The following WDR62 variants were observed in gnomAD, a reference collection of about 807,000 sequenced individuals.
The protein encoded by WDR62 is WD repeat domain 62.
In WDR62, 112 loss-of-function variants were observed where a neutral mutation model predicts 160.6. The ratio of observed to expected loss-of-function variants is 0.70; its 90% CI spans 0.60 to 0.82. The LOEUF (loss-of-function observed/expected upper bound fraction) is 0.82. WDR62 is among the 40% of genes least tolerant of loss of function. The pLI, the probability that WDR62 is intolerant of heterozygous loss-of-function variation, is 0.00. For missense variants in WDR62, 1,819 were observed against 1,983.8 expected (o/e 0.92, Z 1.58); for synonymous variants, 792 against 815.1 (o/e 0.97, Z 0.48).
In WDR62 at chr19:36,055,267, G is replaced by A. The variant is rs1304924950; in HGVS notation, c.177+119G>A. The A allele has an allele frequency of 3.6e-6, 4 of 1,107,738 alleles. No individual in the cohort carries two copies. In the African/African-American group the frequency reaches 6.2e-5, roughly 17 times the overall value. The allele number at this position is 1,107,738 out of a possible 1,614,324, so 68.6% of individuals were successfully genotyped here. A position where few individuals can be genotyped will look rare whatever the true frequency, so the allele number is the denominator to read the frequency against. ...GGCCAGTCCCCTCAGGTTGTTCCCT[G>A]CCATGCCTCGTCCCCTAACCCCCGC... On this transcript the variant is annotated intron_variant, in intron 1 of 31. Coordinates refer to ENST00000401500, the MANE Select transcript of WDR62 (RefSeq NM_001083961.2).
At chr19:36,055,357 AG>A (rs542152539) in intron 1 of WDR62, among the ~76,000 whole-genome samples, 1 of 151,222 alleles carries the variant, frequency 6.6e-6, no homozygotes, top group South Asian at 2.1e-4. Flanking sequence ...TCAGCGTTGG[AG>A]CAATTCGGGG....
At chr19:36,109,143 G>A (rs1973760939), downstream of WDR62, among the ~76,000 whole-genome samples, 1 of 152,152 alleles carries the variant, frequency 6.6e-6, no homozygotes, top group African/African-American at 2.4e-5. Flanking sequence ...CTCGGGCAAT[G>A]TAAAGAAATG....
At chr19:36,075,401 T>C (rs1971522803) in intron 9 of WDR62, 1 of 152,148 alleles carries the variant, frequency 6.6e-6, no homozygotes, top group Admixed American at 6.5e-5. Flanking sequence ...TTTCTGAAAA[T>C]AAAAATCACA....
intron 18 of WDR62, among the ~76,000 whole-genome samples, chr19:36,092,348 A>T (rs1370032936): frequency 6.6e-6 from 1 of 151,986 alleles, no homozygotes; most frequent in Non-Finnish European, 1.5e-5. Context: ...TGAGAAATGA[A>T]TGAGATGATA....
chr19:36,109,493 G>A (rs527887513), downstream of WDR62, among the ~76,000 whole-genome samples: 31 of 152,242 alleles, frequency 2.0e-4, no homozygotes, highest in Non-Finnish European at 4.1e-4. Flanking sequence ...CAGCACTTTG[G>A]GAGGTTGAGG....
chr19:36,098,870 G>A (rs549455818), intron 21 of WDR62, among the ~76,000 whole-genome samples: 4 of 152,260 alleles, frequency 2.6e-5, no homozygotes, highest in African/African-American at 9.6e-5. Flanking sequence ...AGGATTCCTT[G>A]AGCCCAAGGG....
downstream of WDR62, among the ~76,000 whole-genome samples, chr19:36,105,447 TGC>T (rs1029590412): frequency 6.6e-6 from 1 of 151,980 alleles, no homozygotes; most frequent in Non-Finnish European, 1.5e-5. Context: ...GTCCACGCTT[TGC>T]CATATCATGG....
In WDR62 at chr19:36,101,196, C is replaced by A; in HGVS notation, c.2868-18C>A. The A allele has an allele frequency of 6.2e-7, 1 of 1,600,754 alleles. No individual in the cohort carries two copies. On this transcript the variant is annotated intron_variant, in intron 23 of 31. Coordinates refer to ENST00000401500, the MANE Select transcript of WDR62 (RefSeq NM_001083961.2). ...AGCTGAAGTCCTTGTTCCCTCTCTGCCCCCACTGGCACTGCAGCCAGTATT... is the reference window on the plus strand; with the variant it reads ...AGCTGAAGTCCTTGTTCCCTCTCTGACCCCACTGGCACTGCAGCCAGTATT...
At chr19:36,099,730 G>A in intron 22 of WDR62, 113 bp downstream of exon 22, 1 of 1,062,546 alleles carries the variant, frequency 9.4e-7, no homozygotes, top group Non-Finnish European at 1.4e-6. Flanking sequence ...ACATGAGATG[G>A]TGAAGGGCAG....
chr19:36,102,764 T>C lies in WDR62; in HGVS notation c.3248T>C (p.Val1083Ala), dbSNP rs143600070. The C allele has an allele frequency of 6.7e-4, 1,082 of 1,614,206 alleles. 1 individual carries two copies. Among genetic ancestry groups the C allele is most frequent in the Non-Finnish European group, 8.8e-4 (1,041 of 1,180,022 alleles). The part of the protein sequence containing the change: ...RELFPAALGD[V>A]EASEAEDHFF... ...CTCTTCCCCGCAGCTCTGGGAGACG[T>C]GGAGGCCTCTGAAGCTGAAGACCAC... The change falls in exon 27 of 32, where the codon GTG (valine) becomes GCG (alanine). Residue 1083 changes from valine to alanine, a missense_variant. Physicochemically the swap from Val to Ala is moderately conservative, Grantham distance 64. Coordinates refer to ENST00000401500, the MANE Select transcript of WDR62 (RefSeq NM_001083961.2).
intron 2 of WDR62, chr19:36,059,099 G>T (rs1970514697): frequency 1.5e-6 from 1 of 677,458 alleles, no homozygotes; most frequent in South Asian, 1.5e-5. Context: ...CTACAGGGGG[G>T]AGGTGACAGC....
intron 13 of WDR62, among the ~76,000 whole-genome samples, chr19:36,087,240 C>T (rs1296320209): frequency 2.0e-5 from 3 of 151,978 alleles, no homozygotes; most frequent in South Asian, 4.2e-4. Context: ...GGTACCATGG[C>T]TCACACCTGT....
At chr19:36,084,586 A>C in intron 11 of WDR62, 67 bp from the exon 12 acceptor site, 4 of 1,469,314 alleles carry the variant, frequency 2.7e-6, no homozygotes, top group Non-Finnish European at 3.8e-6. Flanking sequence ...ATTCTGACCT[A>C]TTCTAGAAGT....
chr19:36,092,909 G>A (rs1019612263), intron 19 of WDR62, 98 bp downstream of exon 19: 6 of 1,581,974 alleles, frequency 3.8e-6, no homozygotes, highest in Non-Finnish European at 5.2e-6. Context: ...ACAGCCCTAG[G>A]CCCTGCCCTT....
At chr19:36,091,495 G>T (rs774871946) in intron 18 of WDR62, 30 bp downstream of exon 18, 27 of 1,607,106 alleles carry the variant, frequency 1.7e-5, no homozygotes, top group Non-Finnish European at 2.1e-5. Context: ...GAGAGTTGTG[G>T]CTCAGATACC....
intron 3 of WDR62, chr19:36,060,756 A>G (rs1326037466): frequency 6.6e-6 from 1 of 152,508 alleles, no homozygotes; most frequent in African/African-American, 2.4e-5. Flanking sequence ...CAGTTTCCTC[A>G]TTGATGGTAT....
intron 5 of WDR62, 105 bp from the exon 6 acceptor site, chr19:36,067,194 GGAAGACA>G (rs1970984721): frequency 6.8e-7 from 1 of 1,468,724 alleles, no homozygotes; most frequent in Admixed American, 1.7e-5. Context: ...GAGGGTCCCA[GGAAGACA>G]GACTTGGAGT....
intron 1 of WDR62, among the ~76,000 whole-genome samples, chr19:36,058,534 C>G (rs960657390): frequency 1.3e-5 from 2 of 152,250 alleles, no homozygotes; most frequent in African/African-American, 2.4e-5. Context: ...ATACCCATCA[C>G]CAGTAGAATG....
intron 12 of WDR62, among the ~76,000 whole-genome samples, chr19:36,085,027 A>T (rs184371561): frequency 9.9e-5 from 15 of 152,234 alleles, no homozygotes; most frequent in Middle Eastern, 3.4e-3. Context: ...GAGAAGATAG[A>T]TTGATTGTTA....
Sources: gnomAD v4.1 joint callset for allele counts (sites outside exome capture counted in the v4.1 genomes callset) on GRCh38, gnomAD v4.1.1 for gene constraint, MANE v1.5 for transcripts, NCBI Gene and HGNC (gene_info 2026-07-23, HGNC 2026-07-21) for gene names.